The following LOC128462377 variants were observed in gnomAD, a reference collection of about 807,000 sequenced individuals.
At chr16:89,372,263 C>G in the LOC128462377 span, among the ~76,000 whole-genome samples, 1 of 152,246 alleles carries the variant, frequency 6.6e-6, no homozygotes, top group Non-Finnish European at 1.5e-5. Context: ...CAGCCCGAGC[C>G]TCTCACTGAG....
chr16:89,318,426 C>T, the LOC128462377 span, among the ~76,000 whole-genome samples: 1 of 152,370 alleles, frequency 6.6e-6, no homozygotes, highest in Non-Finnish European at 1.5e-5. Context: ...ACTGTGTGCA[C>T]GTCTCTGCCC....
chr16:89,372,406 G>A, the LOC128462377 span, among the ~76,000 whole-genome samples: 2 of 152,094 alleles, frequency 1.3e-5, no homozygotes, highest in Admixed American at 1.3e-4. Context: ...CAGCACGGAC[G>A]GGGTCGACAA....
At chr16:89,381,527 A>G in the LOC128462377 span, among the ~76,000 whole-genome samples, 1 of 152,214 alleles carries the variant, frequency 6.6e-6, no homozygotes, top group Non-Finnish European at 1.5e-5. Flanking sequence ...TAAGCATTCT[A>G]GTTTATAAAA....
At chr16:89,335,591 T>G in the LOC128462377 span, among the ~76,000 whole-genome samples, 2 of 152,206 alleles carry the variant, frequency 1.3e-5, no homozygotes, top group Non-Finnish European at 2.9e-5. Flanking sequence ...GACGTCGCTT[T>G]GGCAGGGAAC....
chr16:89,338,974 C>G, the LOC128462377 span, among the ~76,000 whole-genome samples: 1 of 152,094 alleles, frequency 6.6e-6, no homozygotes, highest in Non-Finnish European at 1.5e-5. Flanking sequence ...TCCTTTCCCT[C>G]AAAGTCACCA....
chr16:89,349,396 C>T, the LOC128462377 span, among the ~76,000 whole-genome samples: 5 of 151,868 alleles, frequency 3.3e-5, no homozygotes, highest in South Asian at 2.1e-4. Context: ...AGGAGAATGG[C>T]GTGAACCCGG....
At chr16:89,409,726 G>C in the LOC128462377 span, among the ~76,000 whole-genome samples, 1 of 152,164 alleles carries the variant, frequency 6.6e-6, no homozygotes, top group African/African-American at 2.4e-5. Context: ...TTAGAATACA[G>C]TATTACTAGG....
At chr16:89,417,015 C>G in the LOC128462377 span, among the ~76,000 whole-genome samples, 2 of 152,156 alleles carry the variant, frequency 1.3e-5, no homozygotes, top group African/African-American at 4.8e-5. Context: ...GCCCACTACC[C>G]AGGCTGGCTT....
the LOC128462377 span, among the ~76,000 whole-genome samples, chr16:89,327,020 TGGGGAA>T: frequency 7.2e-6 from 1 of 139,718 alleles, no homozygotes; most frequent in Admixed American, 7.0e-5. Context: ...AATGCAGAGG[TGGGGAA>T]TGCAGAGGTG....
At chr16:89,344,669 T>C in the LOC128462377 span, among the ~76,000 whole-genome samples, 1 of 152,256 alleles carries the variant, frequency 6.6e-6, no homozygotes, top group South Asian at 2.1e-4. Context: ...GGCACCCTCA[T>C]GCATGCTGGG....
At chr16:89,396,929 C>T in the LOC128462377 span, among the ~76,000 whole-genome samples, 3 of 142,162 alleles carry the variant, frequency 2.1e-5, no homozygotes, top group African/African-American at 7.7e-5. Flanking sequence ...TCAGGTGATC[C>T]AGCTGCCTCG....
the LOC128462377 span, among the ~76,000 whole-genome samples, chr16:89,391,713 C>T: frequency 1.3e-5 from 2 of 152,204 alleles, no homozygotes; most frequent in South Asian, 4.1e-4. Flanking sequence ...GACAGAGAAT[C>T]AGTAAGCACA....
At chr16:89,351,035 A>G in the LOC128462377 span, among the ~76,000 whole-genome samples, 1 of 152,140 alleles carries the variant, frequency 6.6e-6, no homozygotes, top group Non-Finnish European at 1.5e-5. Context: ...CTAACAACGC[A>G]TTTCTCAGGA....
the LOC128462377 span, chr16:89,373,016 T>C: frequency 1.0e-3 from 156 of 152,340 alleles, no homozygotes; most frequent in African/African-American, 3.6e-3. Flanking sequence ...GTACGTGCGT[T>C]CACTGCAAGG....
the LOC128462377 span, among the ~76,000 whole-genome samples, chr16:89,350,321 G>C: frequency 6.6e-6 from 1 of 152,144 alleles, no homozygotes; most frequent in African/African-American, 2.4e-5. Context: ...GAGAAACCCA[G>C]ACCCAGAAAA....
chr16:89,397,078 T>C, the LOC128462377 span, among the ~76,000 whole-genome samples: 1 of 152,160 alleles, frequency 6.6e-6, no homozygotes, highest in African/African-American at 2.4e-5. Flanking sequence ...ATTATTCCTG[T>C]TGTTAATTGG....
chr16:89,378,160 G>A, the LOC128462377 span, among the ~76,000 whole-genome samples: 20 of 152,236 alleles, frequency 1.3e-4, no homozygotes, highest in East Asian at 3.5e-3. Flanking sequence ...GACCAGCCTG[G>A]GCAACATGGC....
At chr16:89,346,112 G>T in the LOC128462377 span, among the ~76,000 whole-genome samples, 1 of 151,864 alleles carries the variant, frequency 6.6e-6, no homozygotes, top group East Asian at 1.9e-4. Flanking sequence ...AGCCGGGCGT[G>T]GTGCCGGGCG....
At chr16:89,381,648 C>G in the LOC128462377 span, among the ~76,000 whole-genome samples, 1 of 152,228 alleles carries the variant, frequency 6.6e-6, no homozygotes, top group Non-Finnish European at 1.5e-5. Context: ...ATGCCTGTCA[C>G]AAATGCGCAT....
Sources: gnomAD v4.1 joint callset for allele counts (sites outside exome capture counted in the v4.1 genomes callset) on GRCh38, gnomAD v4.1.1 for gene constraint, MANE v1.5 for transcripts.